RFX6: variants seen among roughly 807,000 people sequenced by gnomAD.
The protein encoded by RFX6 is DNA-binding protein RFX6.
A neutral mutation model predicts 110.8 loss-of-function variants in RFX6; 50 were observed. That is an observed-to-expected ratio of 0.45 (90% CI 0.36 to 0.57). The LOEUF is 0.57. Among genes scored for constraint, RFX6 ranks in the 20% least tolerant of loss-of-function variants. RFX6 has a pLI of 0.00. For missense variants in RFX6, 990 were observed against 1,127.0 expected (o/e 0.88, Z 1.74); for synonymous variants, 383 against 411.2 (o/e 0.93, Z 0.83).
At chr6:116,909,769 C>T (rs530157453) in intron 6 of RFX6, among the ~76,000 whole-genome samples, 416 of 78,516 alleles carry the variant, frequency 5.3e-3, no homozygotes, top group Non-Finnish European at 7.9e-3. Flanking sequence ...TTTTTTGAGA[C>T]GGAGTCTTGC....
chr6:116,916,264 A>G lies in RFX6; in HGVS notation c.922A>G (p.Asn308Asp). 3 of 1,612,830 alleles carry G rather than the reference A, an allele frequency of 1.9e-6. No individual in the cohort carries two copies. The highest frequency in any genetic ancestry group is 2.7e-5 in the African/African-American group (2 of 74,894). The change falls in exon 9 of 19, where the codon AAT (asparagine) becomes GAT (aspartate). Residue 308 changes from asparagine to aspartate, a missense_variant. By Grantham distance (23) the Asn-to-Asp change is conservative. Coordinates refer to ENST00000332958, the MANE Select transcript of RFX6 (RefSeq NM_173560.4). Reference sequence around the variant, plus strand: ...TGACCATCTCCTTCCCCTGCTCGAAAATCCTGTTATCATTGATATTTTCTG... The same window carrying G: ...TGACCATCTCCTTCCCCTGCTCGAAGATCCTGTTATCATTGATATTTTCTG... Reference protein sequence around the residue: ...MPDHLLPLLENPVIIDIFCVC... With the variant: ...MPDHLLPLLEDPVIIDIFCVC...
Position 116,925,464 on chromosome 6 carries a change from G to C in RFX6, c.1690G>C (p.Ala564Pro). The C allele has an allele frequency of 6.2e-7, 1 of 1,613,918 alleles. No individual in the cohort carries two copies. The highest frequency in any genetic ancestry group is 8.5e-7 in the Non-Finnish European group (1 of 1,179,798). ...KYMKNSDASK[A>P]AFTASPSSCF... ...AAAACTCTTTCCAGATGCGAGTAAAGCTGCTTTCACTGCTTCTCCGAGTTC... is the reference window on the plus strand; with the variant it reads ...AAAACTCTTTCCAGATGCGAGTAAACCTGCTTTCACTGCTTCTCCGAGTTC... Residue 564 changes from alanine (A) to proline (P), a missense_variant, in exon 16 of 19, where the codon GCT (alanine) becomes CCT (proline). Physicochemically the swap from Ala to Pro is conservative, Grantham distance 27. This residue lies in a region of RFX6 where 89 missense variants were observed against 140.3 expected (regional missense o/e 0.63). Coordinates refer to ENST00000332958, the MANE Select transcript of RFX6 (RefSeq NM_173560.4).
At chr6:116,879,537 G>A (rs1037326371) in intron 2 of RFX6, among the ~76,000 whole-genome samples, 2 of 151,622 alleles carry the variant, frequency 1.3e-5, no homozygotes, top group African/African-American at 4.8e-5. Context: ...CCTGTTCAGG[G>A]AATACTTTCT....
At position 116,919,227 on chromosome 6, in the gene RFX6, G is replaced by C; in HGVS notation, c.1113G>C (p.Lys371Asn). ...ACTTGCCAGAAGCTCTAACTGACAA[G>C]AAAATACCTATTGTGCGAAGATTTG... The part of the protein sequence containing the change: ...LENLPEALTD[K>N]KIPIVRRFVS... Residue 371 changes from lysine (K) to asparagine (N), a missense_variant, in exon 11 of 19, where the codon AAG becomes AAC. Lys to Asn is a moderately conservative substitution (Grantham distance 94). Coordinates refer to ENST00000332958, the MANE Select transcript of RFX6 (RefSeq NM_173560.4). 6.2e-7 allele frequency: 1 copy of C among 1,613,582 alleles called. No individual in the cohort carries two copies. Among genetic ancestry groups the C allele is most frequent in the Non-Finnish European group, 8.5e-7 (1 of 1,179,598 alleles).
At chr6:116,915,666 A>G (rs1164484958) in intron 7 of RFX6, among the ~76,000 whole-genome samples, 1 of 152,020 alleles carries the variant, frequency 6.6e-6, no homozygotes, top group African/African-American at 2.4e-5. Flanking sequence ...ATGTTTATTT[A>G]CCCAAAAATT....
chr6:116,916,085 G>A lies in RFX6; in HGVS notation c.858G>A (p.Glu286=). 6.2e-7 allele frequency: 1 copy of A among 1,602,846 alleles called. No homozygotes were observed. Among genetic ancestry groups the A allele is most frequent in the Non-Finnish European group, 8.5e-7 (1 of 1,170,230 alleles). The change falls in exon 8 of 19, where the codon GAG becomes GAA. Residue 286 remains glutamate, a splice_region_variant and synonymous_variant. Transcript: ENST00000332958. ...ATGCAATTAATGGAAACTTTGAAGA[G>A]GTAAGAATGACAAAGAATGCTTTAT... ...LDNAINGNFE[E]IQHFLLHFWQ...
Position 116,931,848 on chromosome 6 carries a change from T to C in RFX6, c.*342T>C, listed in dbSNP as rs1279234190. 4.4e-6 allele frequency: 1 copy of C among 226,762 alleles called. No individual in the cohort carries two copies. The highest frequency in any genetic ancestry group is 8.7e-6 in the Non-Finnish European group (1 of 114,602). The allele number at this position is 226,762 out of a possible 1,614,324, so 14.0% of individuals were successfully genotyped here. On this transcript the variant is annotated 3_prime_UTR_variant, in exon 19 of 19. Transcript: ENST00000332958. ...TCTGTGTGCCTTTTTATCTTTGGTTTCTTTTAAAAAGTATATTTAATGCCT... is the reference window on the plus strand; with the variant it reads ...TCTGTGTGCCTTTTTATCTTTGGTTCCTTTTAAAAAGTATATTTAATGCCT...
At position 116,932,125 on chromosome 6, in the gene RFX6, A is replaced by C. The variant is rs1775900081; in HGVS notation, c.*619A>C. On this transcript the variant is annotated 3_prime_UTR_variant, in exon 19 of 19. Transcript: ENST00000332958. ...AAGTGCTTTCCCCTCTTTATTTAAAAAAGATTAAAAGGAATAAAAGAAATA... is the reference window on the plus strand; with the variant it reads ...AAGTGCTTTCCCCTCTTTATTTAAACAAGATTAAAAGGAATAAAAGAAATA... The C allele has an allele frequency of 6.5e-6, 1 of 152,698 alleles. No homozygotes were observed. Among genetic ancestry groups the C allele is most frequent in the Admixed American group, 6.5e-5 (1 of 15,274 alleles). 9.5% of individuals were successfully genotyped at this position (152,698 alleles called of 1,614,324 possible). A position where few individuals can be genotyped will look rare whatever the true frequency, so the allele number is the denominator to read the frequency against.
rs1775770914 is a variant in RFX6, at chr6:116,927,452, T to A, written c.2311T>A (p.Phe771Ile). The change falls in exon 17 of 19, where the codon TTT (phenylalanine) becomes ATT (isoleucine). Residue 771 changes from phenylalanine to isoleucine, a missense_variant. Transcript: ENST00000332958. ...AGCCCAGGATTCACACAATATGCAG[T>A]TTTTAAATACAGGAAGCTTCAATTT... Reference protein sequence around the residue: ...LQAQDSHNMQFLNTGSFNFLS... With the variant: ...LQAQDSHNMQILNTGSFNFLS... 2 of 1,613,988 alleles carry A rather than the reference T, an allele frequency of 1.2e-6. No individual in the cohort carries two copies. The highest frequency in any genetic ancestry group is 1.3e-5 in the African/African-American group (1 of 74,918).
chr6:116,908,669 T>TACACACACACAC (rs753592440), intron 6 of RFX6, among the ~76,000 whole-genome samples: 13 of 102,296 alleles, frequency 1.3e-4, no homozygotes, highest in African/African-American at 4.2e-4. Context: ...ATTTCTAGCA[T>TACACACACACAC]ACACACACAC....
intron 9 of RFX6, among the ~76,000 whole-genome samples, chr6:116,916,552 A>G (rs1041522837): frequency 6.6e-6 from 1 of 152,096 alleles, no homozygotes; most frequent in African/African-American, 2.4e-5. Context: ...TAATGAGTCT[A>G]TATGTGACAC....
chr6:116,919,350 T>G, intron 11 of RFX6, 54 bp downstream of exon 11: 1 of 1,507,784 alleles, frequency 6.6e-7, no homozygotes, highest in Non-Finnish European at 9.2e-7. Flanking sequence ...AAAATGAATC[T>G]TCTGAGAAGG....
chr6:116,922,156 T>A lies in RFX6; in HGVS notation c.1437+5T>A. 1 of 1,226,402 alleles carries A rather than the reference T, an allele frequency of 8.2e-7. No individual in the cohort carries two copies. Among genetic ancestry groups the A allele is most frequent in the East Asian group, 2.3e-5 (1 of 43,000 alleles). 76.0% of individuals were successfully genotyped at this position (1,226,402 alleles called of 1,614,324 possible). On this transcript the variant is annotated splice_donor_5th_base_variant and intron_variant, in intron 13 of 18. Transcript: ENST00000332958. Reference sequence around the variant, plus strand: ...GTAGAACAGAGAGTTATTAAGGTACTTTTTAATGACAGATTCAGAAAATAA... The same window carrying A: ...GTAGAACAGAGAGTTATTAAGGTACATTTTAATGACAGATTCAGAAAATAA...
intron 14 of RFX6, among the ~76,000 whole-genome samples, chr6:116,924,258 T>C (rs1450811943): frequency 6.6e-6 from 1 of 152,242 alleles, no homozygotes; most frequent in Non-Finnish European, 1.5e-5. Context: ...CAGACCATGT[T>C]GGCCATTGTC....
At chr6:116,894,738 C>G (rs929605278) in intron 5 of RFX6, among the ~76,000 whole-genome samples, 15 of 151,814 alleles carry the variant, frequency 9.9e-5, no homozygotes, top group African/African-American at 3.6e-4. Context: ...TACGATTTAC[C>G]AAGAATTGCT....
intron 12 of RFX6, among the ~76,000 whole-genome samples, chr6:116,921,479 T>A (rs933664320): frequency 6.6e-6 from 1 of 152,180 alleles, no homozygotes; most frequent in African/African-American, 2.4e-5. Context: ...ATAAACAACT[T>A]AATCTTCCCT....
chr6:116,893,280 G>A (rs1774869593), intron 4 of RFX6, among the ~76,000 whole-genome samples: 1 of 152,122 alleles, frequency 6.6e-6, no homozygotes, highest in Non-Finnish European at 1.5e-5. Context: ...TTGTATATGG[G>A]TGTGTAATAT....
chr6:116,928,817 T>C lies in RFX6; in HGVS notation c.2457T>C (p.Asn819=). 6.2e-7 allele frequency: 1 copy of C among 1,614,010 alleles called. No individual in the cohort carries two copies. The highest frequency in any genetic ancestry group is 8.5e-7 in the Non-Finnish European group (1 of 1,179,906). Residue 819 remains asparagine, a synonymous_variant, in exon 18 of 19, where the codon AAT becomes AAC. Coordinates refer to ENST00000332958, the MANE Select transcript of RFX6 (RefSeq NM_173560.4). ...CTCACAGGCTCGGATCAATGGTGAA[T>C]CAGCACGTTTCTGTCATCAGCAGCA... ...PESHRLGSMV[N]QHVSVISSIR...
intron 6 of RFX6, among the ~76,000 whole-genome samples, chr6:116,904,644 C>G (rs1163862197): frequency 2.6e-5 from 4 of 152,098 alleles, no homozygotes; most frequent in Non-Finnish European, 5.9e-5. Context: ...AAGACTGAAA[C>G]TCTCTACTCA....
Sources: gnomAD v4.1 joint callset for allele counts (sites outside exome capture counted in the v4.1 genomes callset) on GRCh38, gnomAD v4.1.1 for gene constraint, gnomAD v4.1.1 regional missense constraint, MANE v1.5 for transcripts, NCBI Gene and HGNC (gene_info 2026-07-23, HGNC 2026-07-21) for gene names.